Variants in IARS2 observed in about 807,000 individuals in gnomAD.
IARS2 encodes the protein isoleucine--tRNA ligase, mitochondrial.
In IARS2, 56 loss-of-function variants were observed where a neutral mutation model predicts 126.3. That is an observed-to-expected ratio of 0.44 (90% CI 0.36 to 0.55). IARS2 has a LOEUF of 0.55. IARS2 is among the 20% of genes least tolerant of loss of function. IARS2 has a pLI of 0.00. For missense variants in IARS2, 1,127 were observed against 1,245.9 expected (o/e 0.90, Z 1.44); for synonymous variants, 407 against 441.1 (o/e 0.92, Z 0.97).
rs190248177 is a variant in IARS2, at chr1:220,120,500, C to A, written c.1641-4737C>A. Among the ~76,000 whole-genome samples, 774 of 152,032 alleles carry A rather than the reference C, an allele frequency of 5.1e-3. 3 individuals are homozygous for A. The highest frequency in any genetic ancestry group is 9.0e-3 in the Non-Finnish European group (610 of 67,976). ...AGTGATCCTCCTGCCTCAGCACCCC[C>A]CAAGTAGCTGAGACTATAGTCACGC... On this transcript the variant is annotated intron_variant, in intron 12 of 22. Transcript: ENST00000366922.
intron 22 of IARS2, among the ~76,000 whole-genome samples, chr1:220,146,517 CAAA>C (rs1186000971): frequency 4.8e-5 from 3 of 62,054 alleles, no homozygotes; most frequent in Non-Finnish European, 6.1e-5. Context: ...GACTCCGTCT[CAAA>C]AAAAAAAAAA....
rs1438209275 is a variant in IARS2, at chr1:220,146,776, A to G, written c.2897-717A>G. Among the ~76,000 whole-genome samples, 3 of 152,080 alleles carry G rather than the reference A, an allele frequency of 2.0e-5. 1 individual carries two copies. The highest frequency in any genetic ancestry group is 4.8e-5 in the African/African-American group (2 of 41,410). On this transcript the variant is annotated intron_variant, in intron 22 of 22. Coordinates refer to ENST00000366922, the MANE Select transcript of IARS2 (RefSeq NM_018060.4). The stretch of plus-strand genomic sequence containing the variant: ...AACCTCCGCCTCCCAGATTCAAGCA[A>G]TTCTCTTGCCTCAGCCTCCCAAGTG...
In IARS2 at chr1:220,128,173, G is replaced by A. The variant is rs1365491318; in HGVS notation, c.1837+1330G>A. On this transcript the variant is annotated intron_variant, in intron 14 of 22. Coordinates refer to ENST00000366922, the MANE Select transcript of IARS2 (RefSeq NM_018060.4). ...AACCCACATATAGAAAGGGAGGGCC[G>A]ACTTTTCATATATGCAGTTTCAGCA... Among the ~76,000 whole-genome samples the A allele has an allele frequency of 3.9e-5, 5 of 128,616 alleles. 1 individual carries two copies. The East Asian group carries it at 7.9e-4, about 20-fold the overall frequency. The allele number at this position is 128,616 out of a possible 152,430, so 84.4% of individuals were successfully genotyped here. A position where few individuals can be genotyped will look rare whatever the true frequency, so the allele number is the denominator to read the frequency against.
At chr1:220,132,613 C>T (rs775503131) in intron 14 of IARS2, among the ~76,000 whole-genome samples, 7 of 150,912 alleles carry the variant, frequency 4.6e-5, no homozygotes, top group Non-Finnish European at 8.8e-5. Flanking sequence ...GCAAACTCCA[C>T]CTCCCAGGTT....
intron 14 of IARS2, among the ~76,000 whole-genome samples, chr1:220,130,927 A>C (rs193214242): frequency 1.3e-5 from 2 of 152,076 alleles, no homozygotes; most frequent in South Asian, 4.1e-4. Context: ...TGGGTTCTCT[A>C]TTCTGTCCCA....
At chr1:220,129,003 C>A (rs905839195) in intron 14 of IARS2, among the ~76,000 whole-genome samples, 9 of 151,856 alleles carry the variant, frequency 5.9e-5, no homozygotes, top group African/African-American at 2.2e-4. Context: ...CTGCCTCTGC[C>A]TCCTGAGTAG....
At chr1:220,124,847 A>C (rs1198730670) in intron 12 of IARS2, among the ~76,000 whole-genome samples, 1 of 152,244 alleles carries the variant, frequency 6.6e-6, no homozygotes, top group African/African-American at 2.4e-5. Context: ...TGATTGCATC[A>C]GTTTAGTTTT....
chr1:220,111,603 T>TGC (rs1656804803), intron 11 of IARS2, among the ~76,000 whole-genome samples: 1 of 148,314 alleles, frequency 6.7e-6, no homozygotes, highest in South Asian at 2.1e-4. Flanking sequence ...TATATATGTG[T>TGC]GTGTGTGTGT....
chr1:220,132,485 T>C (rs1489730035), intron 14 of IARS2, among the ~76,000 whole-genome samples: 1 of 151,994 alleles, frequency 6.6e-6, no homozygotes, highest in Non-Finnish European at 1.5e-5. Flanking sequence ...GATGATCCTT[T>C]GTATTTCTCT....
At chr1:220,145,442 C>G in intron 21 of IARS2, 67 bp from the exon 22 acceptor site, 1 of 1,457,730 alleles carries the variant, frequency 6.9e-7, no homozygotes, top group Non-Finnish European at 9.3e-7. Context: ...TATAGTGTTT[C>G]TTTTTATAAC....
chr1:220,135,839 G>GTTTTTTTT (rs1657363160), intron 15 of IARS2, among the ~76,000 whole-genome samples: 2 of 120,166 alleles, frequency 1.7e-5, no homozygotes, highest in African/African-American at 6.5e-5. Flanking sequence ...TTTTTAGTGA[G>GTTTTTTTT]TTATATAGTT....
intron 20 of IARS2, 146 bp downstream of exon 20, chr1:220,142,094 C>G: frequency 1.3e-6 from 1 of 751,708 alleles, no homozygotes. Context: ...GTATTTGTTT[C>G]TGCACCTATT....
chr1:220,102,603 A>T lies in IARS2; in HGVS notation c.858A>T (p.Ile286=), dbSNP rs1656600627. The T allele has an allele frequency of 1.1e-5, 17 of 1,603,744 alleles. No individual in the cohort carries two copies. Among genetic ancestry groups the T allele is most frequent in the Non-Finnish European group, 1.4e-5 (16 of 1,170,772 alleles). The change falls in exon 6 of 23, where the codon ATA becomes ATT. Residue 286 remains isoleucine (I), a splice_region_variant and synonymous_variant. Transcript: ENST00000366922. Reference sequence around the variant, plus strand: ...CTTCTCCAAAATTGGCATCTCTTATAGGTAAGATTTATTCATAGCTTGAGT... The same window carrying T: ...CTTCTCCAAAATTGGCATCTCTTATTGGTAAGATTTATTCATAGCTTGAGT... ...LKPSPKLASL[I]DGSSPVSILV...
At chr1:220,126,935 G>T (rs1558127775) in intron 14 of IARS2, 92 bp downstream of exon 14, 3 of 869,552 alleles carry the variant, frequency 3.5e-6, no homozygotes, top group Non-Finnish European at 1.8e-6. Flanking sequence ...CTCTTTTTCT[G>T]TGTGTGCTTT....
intron 8 of IARS2, among the ~76,000 whole-genome samples, chr1:220,104,682 G>T (rs1213824609): frequency 2.6e-5 from 4 of 152,124 alleles, no homozygotes; most frequent in Non-Finnish European, 5.9e-5. Context: ...ACTGTGCCTG[G>T]ACTAAAATTC....
chr1:220,136,493 A>T (rs1163296626), intron 15 of IARS2, among the ~76,000 whole-genome samples: 2 of 151,970 alleles, frequency 1.3e-5, no homozygotes, highest in Non-Finnish European at 2.9e-5. Context: ...TAATTCCAGC[A>T]CTTTGGGAGG....
chr1:220,094,392 G>C lies in IARS2; in HGVS notation c.176G>C (p.Arg59Thr). Residue 59 changes from arginine (R) to threonine (T), a missense_variant, in exon 1 of 23, where the codon AGA becomes ACA. By Grantham distance (71) the Arg-to-Thr change is moderately conservative (BLOSUM62 -1). Coordinates refer to ENST00000366922, the MANE Select transcript of IARS2 (RefSeq NM_018060.4). ...CACCAGCCGAACTCGAATAGTGGCAGATACCGGGACACGGTGCTGCTGCCG... is the reference window on the plus strand; with the variant it reads ...CACCAGCCGAACTCGAATAGTGGCACATACCGGGACACGGTGCTGCTGCCG... The part of the protein sequence containing the change: ...SNHQPNSNSG[R>T]YRDTVLLPQT... 6.2e-7 allele frequency: 1 copy of C among 1,612,710 alleles called. No homozygotes were observed.
chr1:220,114,256 G>C, intron 11 of IARS2, 58 bp from the exon 12 acceptor site: 1 of 1,481,572 alleles, frequency 6.7e-7, no homozygotes, highest in South Asian at 1.1e-5. Context: ...AAAATTGACT[G>C]TTCTAGAATA....
intron 13 of IARS2, among the ~76,000 whole-genome samples, chr1:220,125,633 G>A (rs2102831979): frequency 6.6e-6 from 1 of 152,196 alleles, no homozygotes; most frequent in Middle Eastern, 3.4e-3. Context: ...GCAAAACCCT[G>A]TCTCTACAAA....
Sources: gnomAD v4.1 joint callset for allele counts (sites outside exome capture counted in the v4.1 genomes callset) on GRCh38, gnomAD v4.1.1 for gene constraint, MANE v1.5 for transcripts, NCBI Gene and HGNC (gene_info 2026-07-23, HGNC 2026-07-21) for gene names.